The following POLK variants were observed in gnomAD, a reference collection of about 807,000 sequenced individuals.
POLK encodes DNA polymerase kappa.
In POLK, 76 loss-of-function variants were observed where a neutral mutation model predicts 94.0. That is an observed-to-expected ratio of 0.81 (90% CI 0.67 to 0.98). The LOEUF is 0.98. POLK is among the 50% of genes least tolerant of loss of function. The pLI is 0.00. For missense variants in POLK, 954 were observed against 1,010.1 expected (o/e 0.94, Z 0.75); for synonymous variants, 349 against 325.4 (o/e 1.07, Z -0.78).
chr5:75,528,629 T>A (rs1289536021), intron 1 of POLK, among the ~76,000 whole-genome samples: 3 of 149,882 alleles, frequency 2.0e-5, no homozygotes, highest in African/African-American at 7.4e-5. Context: ...TTGGGCAACA[T>A]AGCAAGAACT....
chr5:75,528,716 C>G (rs1017616495), intron 1 of POLK, among the ~76,000 whole-genome samples: 2 of 152,004 alleles, frequency 1.3e-5, no homozygotes, highest in African/African-American at 4.8e-5. Context: ...GAGGCTGAGT[C>G]AGAAGGATCA....
At chr5:75,564,365 T>G (rs1226300578) in intron 3 of POLK, among the ~76,000 whole-genome samples, 1 of 152,178 alleles carries the variant, frequency 6.6e-6, no homozygotes, top group Non-Finnish European at 1.5e-5. Flanking sequence ...CACTGATGGG[T>G]CTTGACTCTT....
chr5:75,524,502 G>T (rs1211672644), intron 1 of POLK, among the ~76,000 whole-genome samples: 1 of 152,048 alleles, frequency 6.6e-6, no homozygotes, highest in Non-Finnish European at 1.5e-5. Flanking sequence ...AGTTATTTTA[G>T]TACTTTAGGA....
At chr5:75,605,824 G>A (rs1208931490), downstream of POLK, among the ~76,000 whole-genome samples, 2 of 151,566 alleles carry the variant, frequency 1.3e-5, no homozygotes, top group African/African-American at 4.9e-5. Flanking sequence ...GAAGAAAGAG[G>A]GAGCAAAGTG....
chr5:75,519,849 A>G (rs955274363), intron 1 of POLK, among the ~76,000 whole-genome samples: 3 of 152,066 alleles, frequency 2.0e-5, no homozygotes, highest in African/African-American at 7.2e-5. Context: ...GTGTCTTCTA[A>G]TTGGAGACTT....
chr5:75,539,965 G>A (rs1417190199), intron 1 of POLK, among the ~76,000 whole-genome samples: 6 of 152,090 alleles, frequency 3.9e-5, no homozygotes, highest in African/African-American at 1.2e-4. Flanking sequence ...TTTGAACAGG[G>A]TTATGTTGCT....
At chr5:75,568,438 G>A (rs1432804775) in intron 3 of POLK, among the ~76,000 whole-genome samples, 2 of 152,084 alleles carry the variant, frequency 1.3e-5, no homozygotes, top group East Asian at 3.9e-4. Context: ...GTGGAGGCCG[G>A]CCACAAAAAT....
intron 4 of POLK, 48 bp from the exon 5 acceptor site, chr5:75,573,690 T>A (rs763346288): frequency 1.3e-6 from 2 of 1,489,450 alleles, no homozygotes; most frequent in South Asian, 2.3e-5. Flanking sequence ...GATCAATATG[T>A]CCATTTAGGT....
intron 3 of POLK, among the ~76,000 whole-genome samples, chr5:75,556,409 A>G (rs934852403): frequency 6.6e-6 from 1 of 152,206 alleles, no homozygotes; most frequent in Non-Finnish European, 1.5e-5. Flanking sequence ...ATTTTGGGCA[A>G]CAGACCTGTA....
intron 7 of POLK, chr5:75,582,505 A>G (rs1772242286): frequency 6.6e-6 from 1 of 152,216 alleles, no homozygotes; most frequent in African/African-American, 2.4e-5. Context: ...TACACCATCT[A>G]ATTATCATTA....
chr5:75,536,381 C>A (rs1265566734), intron 1 of POLK, among the ~76,000 whole-genome samples: 1 of 152,160 alleles, frequency 6.6e-6, no homozygotes. Context: ...GAGGTTGTGC[C>A]TGCCTGCAGA....
intron 1 of POLK, chr5:75,512,515 A>C (rs1430536006): frequency 6.6e-6 from 1 of 152,202 alleles, no homozygotes; most frequent in Non-Finnish European, 1.5e-5. Context: ...GGATATATAG[A>C]AACTTTCTCG....
intron 1 of POLK, among the ~76,000 whole-genome samples, chr5:75,542,544 A>C (rs1769789604): frequency 6.6e-6 from 1 of 151,564 alleles, no homozygotes; most frequent in Non-Finnish European, 1.5e-5. Context: ...CATCTTTATT[A>C]CCACCAAAAA....
the POLK span, among the ~76,000 whole-genome samples, chr5:75,607,036 A>G: frequency 2.0e-4 from 31 of 152,346 alleles, no homozygotes; most frequent in East Asian, 6.0e-3. Context: ...ACAACTTAGT[A>G]TCTCAATTAA....
At chr5:75,551,391 A>T (rs138151554) in intron 2 of POLK, among the ~76,000 whole-genome samples, 1 of 151,442 alleles carries the variant, frequency 6.6e-6, no homozygotes, top group Non-Finnish European at 1.5e-5. Context: ...ACATAATGAG[A>T]CCCCACCCCC....
chr5:75,603,927 C>G (rs1322618132), downstream of POLK, among the ~76,000 whole-genome samples: 1 of 152,146 alleles, frequency 6.6e-6, no homozygotes, highest in African/African-American at 2.4e-5. Context: ...TTTGCATGGC[C>G]CCCGATGTTG....
chr5:75,593,830 G>C (rs1320019210), intron 11 of POLK, 48 bp from the exon 12 acceptor site: 4 of 1,182,356 alleles, frequency 3.4e-6, no homozygotes, highest in African/African-American at 1.6e-5. Context: ...ACAACAGAGA[G>C]AGACCCTGTC....
intron 10 of POLK, among the ~76,000 whole-genome samples, chr5:75,588,594 G>C (rs867952080): frequency 1.3e-5 from 2 of 152,158 alleles, no homozygotes; most frequent in East Asian, 3.8e-4. Context: ...GAGTACATTA[G>C]GTTTTTTTAT....
intron 3 of POLK, among the ~76,000 whole-genome samples, chr5:75,561,810 T>A (rs1770995526): frequency 6.6e-6 from 1 of 152,130 alleles, no homozygotes; most frequent in South Asian, 2.1e-4. Context: ...AAAGATCAGA[T>A]GGTTGTAGAT....
Sources: gnomAD v4.1 joint callset for allele counts (sites outside exome capture counted in the v4.1 genomes callset) on GRCh38, gnomAD v4.1.1 for gene constraint, MANE v1.5 for transcripts, NCBI Gene and HGNC (gene_info 2026-07-23, HGNC 2026-07-21) for gene names.